ZAN: variants seen among roughly 807,000 people sequenced by gnomAD.
ZAN encodes the protein zonadhesin, also known as zonadhesin (gene/pseudogene).
A neutral mutation model predicts 286.2 loss-of-function variants in ZAN; 260 were observed. The observed-to-expected ratio is 0.91, with a 90% CI of 0.82 to 1.01. The LOEUF is 1.01. ZAN is among the 50% of genes least tolerant of loss of function. The pLI is 0.00. For missense variants in ZAN, 3,410 were observed against 3,639.2 expected (o/e 0.94, Z 1.62); for synonymous variants, 1,368 against 1,417.5 (o/e 0.97, Z 0.79).
chr7:100,760,652 G>T, intron 19 of ZAN, 116 bp downstream of exon 19: 1 of 1,431,654 alleles, frequency 7.0e-7, no homozygotes, highest in South Asian at 1.4e-5. Flanking sequence ...ACCACTACTT[G>T]ATCCTTTATG....
chr7:100,776,615 C>T, intron 34 of ZAN, 51 bp downstream of exon 34: 2 of 1,336,168 alleles, frequency 1.5e-6, no homozygotes, highest in South Asian at 1.6e-5. Context: ...CTTTCTTTGT[C>T]TTTCTTTCTT....
chr7:100,764,764 G>A (rs548945272), intron 22 of ZAN, among the ~76,000 whole-genome samples: 1 of 151,698 alleles, frequency 6.6e-6, no homozygotes, highest in Admixed American at 6.6e-5. Flanking sequence ...TGTAATCCCA[G>A]CTACTTGGGA....
In ZAN at chr7:100,748,123, C is replaced by G. The variant is rs373321802; in HGVS notation, c.1024-14C>G. 9.1e-5 allele frequency: 146 copies of G among 1,612,818 alleles called. No individual in the cohort carries two copies. Among genetic ancestry groups the G allele is most frequent in the Non-Finnish European group, 1.2e-4 (146 of 1,179,108 alleles). ...CTGTGTGCTCACTCCTGCTCCATCT[C>G]CCTTTCTCTCCAGTTTGCCGTGGTA... On this transcript the variant is annotated splice_polypyrimidine_tract_variant and intron_variant, in intron 9 of 47. Coordinates refer to ENST00000613979, the MANE Select transcript of ZAN (RefSeq NM_003386.3).
Position 100,750,758 on chromosome 7 carries a change from G to A in ZAN, c.1383G>A (p.Glu461=). 1 of 1,613,258 alleles carries A rather than the reference G, an allele frequency of 6.2e-7. No homozygotes were observed. Among genetic ancestry groups the A allele is most frequent in the South Asian group, 1.1e-5 (1 of 90,912 alleles). Reference sequence around the variant, plus strand: ...CATACCACATGTATGGCCTTGGGGAGGGTACTATGCTCGAACTCCTCCTGG... The same window carrying A: ...CATACCACATGTATGGCCTTGGGGAAGGTACTATGCTCGAACTCCTCCTGG... ...EFAYHMYGLG[E]GTMLELLLGS... The change falls in exon 12 of 48, where the codon GAG becomes GAA. Residue 461 remains glutamate (E), a synonymous_variant. Transcript: ENST00000613979.
intron 11 of ZAN, 48 bp from the exon 12 acceptor site, chr7:100,750,577 A>C (rs1241652216): frequency 6.3e-7 from 1 of 1,596,484 alleles, no homozygotes; most frequent in East Asian, 2.3e-5. Flanking sequence ...AGCAGTTGGC[A>C]TGTCCTGTGC....
Position 100,784,800 on chromosome 7 carries a change from G to A in ZAN, c.6800G>A (p.Cys2267Tyr). Residue 2267 changes from cysteine to tyrosine, a missense_variant, in exon 36 of 48, where the codon TGT (cysteine) becomes TAT (tyrosine). Cys to Tyr is a radical substitution (Grantham distance 194). Around this residue, in one of 7 missense-constraint regions of ZAN, gnomAD observed 1,289 missense variants for 1,314.3 expected, o/e 0.98. Transcript: ENST00000613979. Reference protein sequence around the residue: ...SEDKCVPRSQCGCKDAHGGSI... With the variant: ...SEDKCVPRSQYGCKDAHGGSI... ...GACAAGTGTGTCCCCAGAAGTCAGT[G>A]TGGCTGCAAGGATGCCCATGGTGGC... 6.2e-7 allele frequency: 1 copy of A among 1,608,540 alleles called. No homozygotes were observed. The highest frequency in any genetic ancestry group is 8.5e-7 in the Non-Finnish European group (1 of 1,176,216).
At position 100,759,815 on chromosome 7, in the gene ZAN, C is replaced by T. The variant is rs537640782; in HGVS notation, c.3666C>T (p.Thr1222=). 2.7e-5 allele frequency: 43 copies of T among 1,612,120 alleles called. No individual in the cohort carries two copies. In the African/African-American group the frequency reaches 3.2e-4, roughly 12 times the overall value. Reference sequence around the variant, plus strand: ...TCTACGTGACCCTGCCCGAGAGCACCGTCACCCTGCTTAAGGGCAGACGCA... The same window carrying T: ...TCTACGTGACCCTGCCCGAGAGCACTGTCACCCTGCTTAAGGGCAGACGCA... The part of the protein sequence containing the change: ...SKVYVTLPES[T]VTLLKGRRTL... Residue 1222 remains threonine, a synonymous_variant, in exon 18 of 48, where the codon ACC becomes ACT. Coordinates refer to ENST00000613979, the MANE Select transcript of ZAN (RefSeq NM_003386.3).
At position 100,775,401 on chromosome 7, in the gene ZAN, C is replaced by A. The variant is rs188299389; in HGVS notation, c.5853C>A (p.Asp1951Glu). ...ATGGTAGTAACCATTCTATCCCGGA[C>A]GCCTGCACTCTTGTCCTGGTGAAAG... ...SFDGSNHSIP[D>E]ACTLVLVKVC... The change falls in exon 32 of 48, where the codon GAC becomes GAA. Residue 1951 changes from aspartate (D) to glutamate (E), a missense_variant. Around this residue, in one of 7 missense-constraint regions of ZAN, gnomAD observed 1,289 missense variants for 1,314.3 expected, o/e 0.98. Coordinates refer to ENST00000613979, the MANE Select transcript of ZAN (RefSeq NM_003386.3). The A allele has an allele frequency of 6.2e-7, 1 of 1,613,956 alleles. No individual in the cohort carries two copies. The highest frequency in any genetic ancestry group is 1.7e-5 in the Admixed American group (1 of 60,000).
intron 7 of ZAN, among the ~76,000 whole-genome samples, chr7:100,738,987 CTCTCCTTCTCCT>C (rs1295059367): frequency 0.011 from 442 of 39,414 alleles, 74 homozygotes; most frequent in Non-Finnish European, 0.017. Context: ...CTCCCTCTCC[CTCTCCTTCTCCT>C]TCTCCTTCTT....
Position 100,738,513 on chromosome 7 carries a change from G to C in ZAN, c.666G>C (p.Trp222Cys). 6.7e-7 allele frequency: 1 copy of C among 1,495,466 alleles called. No homozygotes were observed. The highest frequency in any genetic ancestry group is 9.1e-7 in the Non-Finnish European group (1 of 1,093,016). 92.6% of individuals were successfully genotyped at this position (1,495,466 alleles called of 1,614,324 possible). ...SFDIPNDLCD[W>C]TWIPTASGAK... Reference sequence around the variant, plus strand: ...ACATTCCAAATGACCTCTGTGACTGGACCTGGATCCCAACTGCCTCCGGGG... The same window carrying C: ...ACATTCCAAATGACCTCTGTGACTGCACCTGGATCCCAACTGCCTCCGGGG... Residue 222 changes from tryptophan to cysteine, a missense_variant, in exon 7 of 48, where the codon TGG (tryptophan) becomes TGC (cysteine). By Grantham distance (215) the Trp-to-Cys change is radical (BLOSUM62 -2). Coordinates refer to ENST00000613979, the MANE Select transcript of ZAN (RefSeq NM_003386.3).
intron 45 of ZAN, 23 bp from the exon 46 acceptor site, chr7:100,797,343 T>G: frequency 6.2e-7 from 1 of 1,611,778 alleles, no homozygotes; most frequent in Non-Finnish European, 8.5e-7. Flanking sequence ...TTCGACCTAA[T>G]GTCTCTTCCC....
At chr7:100,771,243 TTTTG>T (rs1298738175) in intron 28 of ZAN, among the ~76,000 whole-genome samples, 2 of 151,722 alleles carry the variant, frequency 1.3e-5, no homozygotes, top group African/African-American at 4.8e-5. Flanking sequence ...CAAATCTGGG[TTTTG>T]TTTGTTTGTT....
intron 20 of ZAN, among the ~76,000 whole-genome samples, chr7:100,762,972 GTT>G (rs541919899): frequency 3.9e-4 from 53 of 134,824 alleles, no homozygotes; most frequent in African/African-American, 6.6e-4. Context: ...CTCCCCAACG[GTT>G]TTTTTTTTTT....
At chr7:100,781,757 C>A (rs1192639907) in intron 35 of ZAN, among the ~76,000 whole-genome samples, 1 of 151,022 alleles carries the variant, frequency 6.6e-6, no homozygotes, top group Non-Finnish European at 1.5e-5. Context: ...TCTCCTGCCT[C>A]AGCCTCCGAG....
chr7:100,748,177 C>A lies in ZAN; in HGVS notation c.1064C>A (p.Ala355Asp). 1 of 1,613,842 alleles carries A rather than the reference C, an allele frequency of 6.2e-7. No individual in the cohort carries two copies. Among genetic ancestry groups the A allele is most frequent in the Non-Finnish European group, 8.5e-7 (1 of 1,179,862 alleles). ...GTTTTTGGAAAGACCCCAGAGCCAG[C>A]TGTGGCAGTTGATGCAACCAGCATT... ...VGVFGKTPEP[A>D]VAVDATSIAP... The change falls in exon 10 of 48, where the codon GCT becomes GAT. Residue 355 changes from alanine (A) to aspartate (D), a missense_variant. By Grantham distance (126) the Ala-to-Asp change is moderately radical (BLOSUM62 -2). Transcript: ENST00000613979.
In ZAN at chr7:100,764,164, C is replaced by T; in HGVS notation, c.4235C>T (p.Ala1412Val). The change falls in exon 22 of 48, where the codon GCT becomes GTT. Residue 1412 changes from alanine to valine, a missense_variant. Transcript: ENST00000613979. ...ACCACCTGCCAGGACGCAGGCCACG[C>T]TGTGAAGCCCTGGAGGGAACCCCAC... ...MTTTCQDAGH[A>V]VKPWREPHFC... 2 of 1,598,294 alleles carry T rather than the reference C, an allele frequency of 1.3e-6. No individual in the cohort carries two copies. The highest frequency in any genetic ancestry group is 1.7e-6 in the Non-Finnish European group (2 of 1,172,960).
intron 15 of ZAN, among the ~76,000 whole-genome samples, chr7:100,756,726 TC>T (rs1275620551): frequency 6.6e-6 from 1 of 151,194 alleles, no homozygotes; most frequent in East Asian, 2.0e-4. Flanking sequence ...AACTATTCAC[TC>T]ACAGTTCTCT....
At chr7:100,754,671 T>A (rs1342146211) in intron 14 of ZAN, among the ~76,000 whole-genome samples, 1 of 150,678 alleles carries the variant, frequency 6.6e-6, no homozygotes, top group Admixed American at 6.6e-5. Flanking sequence ...GACTGGCTAA[T>A]TTTTGTATTT....
intron 24 of ZAN, 103 bp from the exon 25 acceptor site, chr7:100,766,907 C>T (rs970336785): frequency 1.7e-5 from 27 of 1,549,766 alleles, no homozygotes; most frequent in Middle Eastern, 2.4e-4. Flanking sequence ...GTGGGTGGGC[C>T]GTGGGGACCA....
Sources: gnomAD v4.1 joint callset for allele counts (sites outside exome capture counted in the v4.1 genomes callset) on GRCh38, gnomAD v4.1.1 for gene constraint, gnomAD v4.1.1 regional missense constraint, MANE v1.5 for transcripts, NCBI Gene and HGNC (gene_info 2026-07-23, HGNC 2026-07-21) for gene names.